The following MEGF11 variants were observed in gnomAD, a reference collection of about 807,000 sequenced individuals.
MEGF11 encodes multiple epidermal growth factor-like domains protein 11.
MEGF11 carries 126 observed loss-of-function variants against 146.6 expected under a neutral mutation model. The ratio of observed to expected loss-of-function variants is 0.86; its 90% confidence interval spans 0.74 to 1.00. The LOEUF is 1.00. Among genes scored for constraint, MEGF11 ranks in the 50% least tolerant of loss-of-function variants. The pLI, the probability that MEGF11 is intolerant of heterozygous loss-of-function variation, is 0.00. For synonymous variants in MEGF11, 532 were observed against 583.4 expected, an observed-to-expected ratio of 0.91 and a Z score of 1.27; for missense variants, 1,509 against 1,521.2, an observed-to-expected ratio of 0.99 and a Z score of 0.13.
chr15:66,085,059 C>T (rs1317441324), intron 5 of MEGF11, among the ~76,000 whole-genome samples: 1 of 152,064 alleles, frequency 6.6e-6, no homozygotes, highest in Non-Finnish European at 1.5e-5. Context: ...CTGGCTTTCC[C>T]CCACTTCCCT....
At chr15:66,008,405 GCGCGCGCACACACA>G (rs1217454599) in intron 5 of MEGF11, among the ~76,000 whole-genome samples, 42 of 18,108 alleles carry the variant, frequency 2.3e-3, no homozygotes, top group Non-Finnish European at 3.6e-3. Context: ...ATGCACACGC[GCGCGCGCACACACA>G]CACACACACA....
chr15:66,201,946 CAAAAAAAAA>C (rs71139471), intron 1 of MEGF11, among the ~76,000 whole-genome samples: 1 of 31,780 alleles, frequency 3.1e-5, no homozygotes, highest in African/African-American at 1.4e-4. Context: ...GACTCCATCT[CAAAAAAAAA>C]AAAAAAAAAA....
At chr15:65,932,638 G>T (rs1050069872) in intron 10 of MEGF11, among the ~76,000 whole-genome samples, 33 of 152,048 alleles carry the variant, frequency 2.2e-4, no homozygotes, top group African/African-American at 8.0e-4. Context: ...GAGTGAAGGA[G>T]ATAGGTAAAA....
Position 66,004,081 on chromosome 15 carries a change from A to G in MEGF11, c.395-21593T>C, listed in dbSNP as rs2082448491. Among the ~76,000 whole-genome samples the G allele has an allele frequency of 2.0e-5, 3 of 152,316 alleles. No homozygotes were observed. The South Asian group carries it at 6.2e-4, about 32-fold the overall frequency. On this transcript the variant is annotated intron_variant, in intron 5 of 25. Transcript: ENST00000395614. ...AGGGTGACTCAATATCTTGGAGCTG[A>G]GGGAGAGAGCTAAAAAGTCAGAGAA... is the stretch of plus-strand genomic sequence containing the variant.
chr15:66,089,387 A>T (rs557973520), intron 5 of MEGF11, among the ~76,000 whole-genome samples: 6 of 152,310 alleles, frequency 3.9e-5, no homozygotes, highest in African/African-American at 1.4e-4. Context: ...GGATAACACC[A>T]GTTTGGTGGA....
At chr15:66,252,232 C>T (rs1376756432) in intron 1 of MEGF11, among the ~76,000 whole-genome samples, 1 of 107,068 alleles carries the variant, frequency 9.3e-6, no homozygotes, top group African/African-American at 2.8e-5. Context: ...CCGCCCCCCA[C>T]CCCCCACCCC....
chr15:66,027,122 C>T (rs866964943), intron 5 of MEGF11, among the ~76,000 whole-genome samples: 12 of 149,702 alleles, frequency 8.0e-5, no homozygotes, highest in Admixed American at 6.0e-4. Flanking sequence ...TTCTGGGCCT[C>T]CCAGCAAGCT....
intron 5 of MEGF11, among the ~76,000 whole-genome samples, chr15:66,066,685 G>A (rs1252641495): frequency 6.6e-6 from 1 of 152,208 alleles, no homozygotes; most frequent in Non-Finnish European, 1.5e-5. Flanking sequence ...ACCCCTAGGG[G>A]GGCTGGGAGG....
Position 65,930,891 on chromosome 15 carries a change from G to C in MEGF11, c.1340C>G (p.Ser447Trp), listed in dbSNP as rs769353714. The change falls in exon 11 of 26, where the codon TCG (serine) becomes TGG (tryptophan). Residue 447 changes from serine (S) to tryptophan (W), a missense_variant. By Grantham distance (177) the Ser-to-Trp change is radical (BLOSUM62 -3). Transcript: ENST00000395614. ...CAAGTYGPNC[S>W]SICSCNNGGT... ...ACCATTGTTACAGCTACAGATGGACGAGCAGTTGGGGCCATAGGTCCCTGC... is the reference window on the plus strand; with the variant it reads ...ACCATTGTTACAGCTACAGATGGACCAGCAGTTGGGGCCATAGGTCCCTGC... 6.2e-7 allele frequency: 1 copy of C among 1,611,396 alleles called. No homozygotes were observed. The highest frequency in any genetic ancestry group is 8.5e-7 in the Non-Finnish European group (1 of 1,178,572).
At chr15:65,987,199 G>C (rs1275308232) in intron 5 of MEGF11, among the ~76,000 whole-genome samples, 2 of 152,230 alleles carry the variant, frequency 1.3e-5, no homozygotes, top group Non-Finnish European at 2.9e-5. Flanking sequence ...CTAATGCCAA[G>C]TCATGAGATA....
intron 10 of MEGF11, among the ~76,000 whole-genome samples, chr15:65,934,921 A>C (rs749811364): frequency 6.6e-6 from 1 of 152,154 alleles, no homozygotes; most frequent in Non-Finnish European, 1.5e-5. Context: ...TATCCTTTAT[A>C]ATAAACTGGT....
At chr15:66,141,546 A>T (rs1049676312) in intron 1 of MEGF11, among the ~76,000 whole-genome samples, 1 of 151,986 alleles carries the variant, frequency 6.6e-6, no homozygotes, top group African/African-American at 2.4e-5. Context: ...CACCTGAACC[A>T]CAGCACCCAG....
intron 1 of MEGF11, among the ~76,000 whole-genome samples, chr15:66,228,253 A>C (rs28679447): frequency 0.48 from 72,335 of 151,796 alleles, 18,129 homozygotes; most frequent in Non-Finnish European, 0.57. Flanking sequence ...CCACACACAG[A>C]AAGCATTCAA....
intron 23 of MEGF11, among the ~76,000 whole-genome samples, chr15:65,908,453 T>TTG (rs995060858): frequency 6.6e-5 from 10 of 152,168 alleles, no homozygotes; most frequent in African/African-American, 1.7e-4. Context: ...TCCAAGTCTC[T>TTG]TGTGTGTGTG....
intron 7 of MEGF11, 44 bp downstream of exon 7, chr15:65,980,734 C>T (rs759945179): frequency 6.5e-7 from 1 of 1,539,774 alleles, no homozygotes; most frequent in Admixed American, 2.1e-5. Flanking sequence ...GTGATGAAGG[C>T]TCAGCCCTCC....
chr15:65,926,996 T>G (rs2079393593), intron 13 of MEGF11, among the ~76,000 whole-genome samples: 1 of 152,178 alleles, frequency 6.6e-6, no homozygotes, highest in Non-Finnish European at 1.5e-5. Flanking sequence ...TTAGAAACTT[T>G]CTGGTTATGA....
At chr15:66,080,993 T>C (rs1039323732) in intron 5 of MEGF11, among the ~76,000 whole-genome samples, 10 of 152,228 alleles carry the variant, frequency 6.6e-5, no homozygotes, top group African/African-American at 2.4e-4. Context: ...GCCGGCTCGA[T>C]GCAGTGAAAA....
At chr15:66,078,496 C>T (rs1196371867) in intron 5 of MEGF11, among the ~76,000 whole-genome samples, 1 of 152,230 alleles carries the variant, frequency 6.6e-6, no homozygotes, top group Non-Finnish European at 1.5e-5. Flanking sequence ...CAGGGGCTGG[C>T]TGGCGCTGAC....
intron 4 of MEGF11, among the ~76,000 whole-genome samples, chr15:66,114,645 T>TGGAGGGAG (rs74351338): frequency 1.3e-5 from 2 of 151,846 alleles, no homozygotes; most frequent in African/African-American, 4.8e-5. Context: ...AAGGGAAGCT[T>TGGAGGGAG]GGAGGGAGGG....
Sources: gnomAD v4.1 joint callset for allele counts (sites outside exome capture counted in the v4.1 genomes callset) on GRCh38, gnomAD v4.1.1 for gene constraint, MANE v1.5 for transcripts, NCBI Gene and HGNC (gene_info 2026-07-23, HGNC 2026-07-21) for gene names.